The following TENM2 variants were observed in gnomAD, a reference collection of about 807,000 sequenced individuals.
TENM2 encodes the protein teneurin transmembrane protein 2.
Under a neutral mutation model 245.2 loss-of-function variants are expected in TENM2, and 52 were observed. The observed-to-expected ratio is 0.21, with a 90% CI of 0.17 to 0.27. TENM2 has a LOEUF of 0.27. Ranked by LOEUF, TENM2 falls within the 10% of genes least tolerant of loss-of-function variation. The probability of loss-of-function intolerance (pLI) is 1.00; values close to 1 mark genes in which losing one functional copy is unlikely to be tolerated. For synonymous variants in TENM2, 1,363 were observed against 1,438.9 expected, an observed-to-expected ratio of 0.95 and a Z score of 1.19; for missense variants, 3,046 against 3,666.8, an observed-to-expected ratio of 0.83 and a Z score of 4.37.
At chr5:167,444,046 A>G (rs1400592144) in intron 2 of TENM2, among the ~76,000 whole-genome samples, 2 of 152,120 alleles carry the variant, frequency 1.3e-5, no homozygotes, top group Non-Finnish European at 2.9e-5. Context: ...ATTATATTTT[A>G]TATTTCCTTA....
At position 167,630,722 on chromosome 5, in the gene TENM2, A is replaced by G. The variant is rs539126554; in HGVS notation, c.503-245264A>G. Among the ~76,000 whole-genome samples the G allele has an allele frequency of 1.4e-4, 22 of 152,340 alleles. 1 individual carries two copies. Among genetic ancestry groups the G allele is most frequent in the African/African-American group, 4.8e-4 (20 of 41,580 alleles). On this transcript the variant is annotated intron_variant, in intron 2 of 28. Transcript: ENST00000518659. Reference sequence around the variant, plus strand: ...TGCAATAACCATTTATAATATATTTAAAGCCAAACTGGATCAGTAATCTAG... The same window carrying G: ...TGCAATAACCATTTATAATATATTTGAAGCCAAACTGGATCAGTAATCTAG...
chr5:168,134,090 G>C (rs940112374), intron 12 of TENM2, among the ~76,000 whole-genome samples: 4 of 152,098 alleles, frequency 2.6e-5, no homozygotes, highest in Non-Finnish European at 5.9e-5. Context: ...AGGAGGTGGA[G>C]GTTGCAGTGA....
intron 8 of TENM2, among the ~76,000 whole-genome samples, chr5:168,091,023 C>A (rs1156342936): frequency 6.6e-6 from 1 of 152,118 alleles, no homozygotes; most frequent in African/African-American, 2.4e-5. Flanking sequence ...GGGTTGAGTC[C>A]TGACCACACT....
chr5:167,219,469 T>C, the TENM2 span, among the ~76,000 whole-genome samples: 1 of 152,158 alleles, frequency 6.6e-6, no homozygotes, highest in East Asian at 1.9e-4. Flanking sequence ...TAACAGGCAA[T>C]ACTGTGCAAA....
chr5:168,157,928 T>G (rs1485045579), intron 12 of TENM2, among the ~76,000 whole-genome samples: 1 of 152,044 alleles, frequency 6.6e-6, no homozygotes, highest in Admixed American at 6.6e-5. Context: ...GGTGTTGTTG[T>G]TGTTGTTGTT....
At chr5:167,302,332 C>T (rs1755384442) in intron 1 of TENM2, among the ~76,000 whole-genome samples, 1 of 151,758 alleles carries the variant, frequency 6.6e-6, no homozygotes, top group South Asian at 2.1e-4. Context: ...TTTTTAAGAA[C>T]ACAGGCTAAG....
the TENM2 span, among the ~76,000 whole-genome samples, chr5:167,098,533 G>A: frequency 1.3e-5 from 2 of 152,096 alleles, no homozygotes; most frequent in African/African-American, 4.8e-5. Context: ...ATCTCTTGCA[G>A]CGCTTGTCAT....
chr5:167,434,762 C>A (rs1260274429), intron 2 of TENM2, among the ~76,000 whole-genome samples: 1 of 152,006 alleles, frequency 6.6e-6, no homozygotes, highest in Non-Finnish European at 1.5e-5. Context: ...GTAGCTAAGG[C>A]TTAAAATATT....
intron 1 of TENM2, among the ~76,000 whole-genome samples, chr5:167,348,767 A>G (rs558082692): frequency 4.2e-4 from 64 of 152,184 alleles, no homozygotes; most frequent in Non-Finnish European, 7.5e-4. Context: ...TTCAGCCACT[A>G]AAATTGGCAA....
chr5:167,367,218 T>G (rs181064651), intron 1 of TENM2, among the ~76,000 whole-genome samples: 9 of 152,286 alleles, frequency 5.9e-5, no homozygotes, highest in African/African-American at 2.2e-4. Context: ...TTTATTAACA[T>G]TGGAATGGTT....
chr5:167,359,968 G>A (rs1422533), intron 1 of TENM2, among the ~76,000 whole-genome samples: 146,404 of 152,258 alleles, frequency 0.96, 70,481 homozygotes, highest in East Asian at 1. Context: ...GAGCCAAACA[G>A]TGAGAACACA....
chr5:168,038,297 A>G (rs918557956), intron 5 of TENM2, among the ~76,000 whole-genome samples: 7 of 152,224 alleles, frequency 4.6e-5, no homozygotes, highest in South Asian at 2.1e-4. Flanking sequence ...AAGACCCAGC[A>G]GGAGGTGAGA....
the TENM2 span, among the ~76,000 whole-genome samples, chr5:167,137,769 T>G: frequency 6.6e-6 from 1 of 152,222 alleles, no homozygotes; most frequent in Non-Finnish European, 1.5e-5. Context: ...GCTTGTTAAC[T>G]TTAATTGGTG....
intron 2 of TENM2, among the ~76,000 whole-genome samples, chr5:167,840,550 G>GC (rs1276007699): frequency 6.6e-6 from 1 of 151,618 alleles, no homozygotes; most frequent in Non-Finnish European, 1.5e-5. Context: ...TCCTCCCCCA[G>GC]CCCCCCACAA....
At chr5:167,450,308 A>G (rs1765499002) in intron 2 of TENM2, among the ~76,000 whole-genome samples, 1 of 152,160 alleles carries the variant, frequency 6.6e-6, no homozygotes, top group East Asian at 1.9e-4. Flanking sequence ...AGACAGTTCA[A>G]AGTCTCTTCC....
intron 2 of TENM2, among the ~76,000 whole-genome samples, chr5:167,524,664 A>G (rs970403932): frequency 5.9e-5 from 9 of 151,968 alleles, no homozygotes; most frequent in Non-Finnish European, 1.2e-4. Context: ...TGTCATAATC[A>G]TCTAGAAAGC....
chr5:167,438,119 C>T (rs563922383), intron 2 of TENM2, among the ~76,000 whole-genome samples: 4 of 152,208 alleles, frequency 2.6e-5, no homozygotes, highest in East Asian at 1.9e-4. Context: ...ATCTGATAAT[C>T]CAGGTTAATT....
intron 4 of TENM2, among the ~76,000 whole-genome samples, chr5:167,989,482 G>C (rs1783509217): frequency 6.6e-6 from 1 of 152,154 alleles, no homozygotes; most frequent in Non-Finnish European, 1.5e-5. Flanking sequence ...TGTGGCTGAA[G>C]CGTGAGTGCA....
At chr5:167,889,711 C>T (rs773498839) in intron 3 of TENM2, among the ~76,000 whole-genome samples, 1 of 152,110 alleles carries the variant, frequency 6.6e-6, no homozygotes, top group Non-Finnish European at 1.5e-5. Context: ...CGTGGTCTTA[C>T]AGCTCAGTTC....
Sources: allele counts gnomAD v4.1 joint callset (sites outside exome capture counted in the v4.1 genomes callset), GRCh38; gene constraint gnomAD v4.1.1; transcripts MANE v1.5; gene names NCBI Gene and HGNC (gene_info 2026-07-23, HGNC 2026-07-21).